ZNF280B: variants seen among roughly 807,000 people sequenced by gnomAD.
ZNF280B encodes the protein suppressor of hairy wing homolog 2.
A neutral mutation model predicts 38.0 loss-of-function variants in ZNF280B; 16 were observed. The observed-to-expected ratio is 0.42, with a 90% CI of 0.28 to 0.64. The LOEUF is 0.64. Ranked by LOEUF, ZNF280B falls within the 30% of genes least tolerant of loss-of-function variation. The probability of loss-of-function intolerance (pLI) is 0.21; values close to 1 mark genes in which losing one functional copy is unlikely to be tolerated. For synonymous variants in ZNF280B, 253 were observed against 230.6 expected (o/e 1.10, Z -0.88); for missense variants, 581 against 639.6 (o/e 0.91, Z 0.99).
intron 2 of ZNF280B, among the ~76,000 whole-genome samples, chr22:22,500,129 G>A (rs117603270): frequency 1.8e-3 from 276 of 152,018 alleles, no homozygotes; most frequent in Non-Finnish European, 3.5e-3. Context: ...CTCATGCACA[G>A]TCACTGGATT....
In ZNF280B at chr22:22,489,445, C is replaced by T. The variant is rs1432686225; in HGVS notation, c.-47G>A. 2 of 1,513,756 alleles carry T rather than the reference C, an allele frequency of 1.3e-6. No homozygotes were observed. Among genetic ancestry groups the T allele is most frequent in the Non-Finnish European group, 1.8e-6 (2 of 1,128,298 alleles). The allele number at this position is 1,513,756 out of a possible 1,614,324, so 93.8% of individuals were successfully genotyped here. On this transcript the variant is annotated 5_prime_UTR_variant, in exon 4 of 4. Coordinates refer to ENST00000626650, the MANE Select transcript of ZNF280B (RefSeq NM_080764.4). ...AATGGTGGGGCCACAAGTCCCAATGCTTCCTTTATATAAACTGCCACCTAA... is the reference window on the plus strand; with the variant it reads ...AATGGTGGGGCCACAAGTCCCAATGTTTCCTTTATATAAACTGCCACCTAA...
At chr22:22,496,817 C>CTTTT in intron 2 of ZNF280B, among the ~76,000 whole-genome samples, 1 of 131,796 alleles carries the variant, frequency 7.6e-6, no homozygotes, top group Non-Finnish European at 1.6e-5. Flanking sequence ...GGGATCTACT[C>CTTTT]TTTTTTTTTT....
intron 2 of ZNF280B, among the ~76,000 whole-genome samples, chr22:22,503,641 C>T (rs1233450995): frequency 2.6e-5 from 4 of 151,892 alleles, no homozygotes; most frequent in African/African-American, 4.8e-5. Flanking sequence ...AACTCTTCTC[C>T]GATACCAAGG....
intron 2 of ZNF280B, among the ~76,000 whole-genome samples, chr22:22,502,733 A>G (rs1408156498): frequency 6.6e-6 from 1 of 151,984 alleles, no homozygotes; most frequent in Non-Finnish European, 1.5e-5. Flanking sequence ...ATTCATACAG[A>G]CAGAAATAAA....
Position 22,484,611 on chromosome 22 carries a change from C to T in ZNF280B, c.*3156G>A, listed in dbSNP as rs1010714908. ...TGTAAACAAAACAAAGTGACATTGC[C>T]TTAAAAATATATAGAGGTATCAATA... is the stretch of plus-strand genomic sequence containing the variant. On this transcript the variant is annotated 3_prime_UTR_variant, in exon 4 of 4. Coordinates refer to ENST00000626650, the MANE Select transcript of ZNF280B (RefSeq NM_080764.4). 4.6e-5 allele frequency: 7 copies of T among 152,202 alleles called. No individual in the cohort carries two copies. Among genetic ancestry groups the T allele is most frequent in the African/African-American group, 1.7e-4 (7 of 41,310 alleles). The allele number at this position is 152,202 out of a possible 1,614,324, so 9.4% of individuals were successfully genotyped here.
At chr22:22,498,589 C>G (rs1185883151) in intron 2 of ZNF280B, among the ~76,000 whole-genome samples, 1 of 151,694 alleles carries the variant, frequency 6.6e-6, no homozygotes, top group Admixed American at 6.6e-5. Context: ...AAAACTTCCC[C>G]AAATAAAAGC....
chr22:22,507,249 A>T (rs1013193314), intron 2 of ZNF280B, among the ~76,000 whole-genome samples: 1 of 152,008 alleles, frequency 6.6e-6, no homozygotes, highest in Admixed American at 6.6e-5. Flanking sequence ...AGCCAGAAAC[A>T]GCCAGCTAAG....
At chr22:22,489,594 CA>C (rs1182180244) in intron 3 of ZNF280B, 128 bp from the exon 4 acceptor site, 1 of 533,728 alleles carries the variant, frequency 1.9e-6, no homozygotes, top group East Asian at 3.0e-5. Context: ...GGATAAATAA[CA>C]GCTTAAAACC....
At chr22:22,499,163 T>C (rs2061764401) in intron 2 of ZNF280B, among the ~76,000 whole-genome samples, 1 of 151,766 alleles carries the variant, frequency 6.6e-6, no homozygotes, top group African/African-American at 2.4e-5. Flanking sequence ...ACAACATATA[T>C]AACGATTACA....
At chr22:22,503,571 A>G (rs1230533956) in intron 2 of ZNF280B, among the ~76,000 whole-genome samples, 1 of 151,982 alleles carries the variant, frequency 6.6e-6, no homozygotes, top group Non-Finnish European at 1.5e-5. Context: ...GTCAATTTAC[A>G]AACTGTAGTG....
intron 2 of ZNF280B, among the ~76,000 whole-genome samples, chr22:22,503,231 T>C (rs1038318574): frequency 6.6e-6 from 1 of 151,942 alleles, no homozygotes; most frequent in African/African-American, 2.4e-5. Context: ...TATGGAAAAG[T>C]AATATAGGGA....
At chr22:22,490,579 T>C (rs905816519) in intron 3 of ZNF280B, among the ~76,000 whole-genome samples, 19 of 151,972 alleles carry the variant, frequency 1.3e-4, no homozygotes, top group African/African-American at 4.6e-4. Context: ...GTGATTCTTG[T>C]GCCTCAGCCT....
chr22:22,489,475 A>C lies in ZNF280B; in HGVS notation c.-68-9T>G. On this transcript the variant is annotated splice_polypyrimidine_tract_variant and intron_variant, in intron 3 of 3. Coordinates refer to ENST00000626650, the MANE Select transcript of ZNF280B (RefSeq NM_080764.4). ...TTTATATAAACTGCCACCTAAGTAC[A>C]AACATACATCAGTAAGTACAGGAAA... The C allele has an allele frequency of 7.8e-7, 1 of 1,280,388 alleles. No homozygotes were observed. Among genetic ancestry groups the C allele is most frequent in the East Asian group, 2.3e-5 (1 of 43,070 alleles). The allele number at this position is 1,280,388 out of a possible 1,614,324, so 79.3% of individuals were successfully genotyped here.
At chr22:22,498,615 T>C (rs931324960) in intron 2 of ZNF280B, among the ~76,000 whole-genome samples, 1 of 151,848 alleles carries the variant, frequency 6.6e-6, no homozygotes, top group African/African-American at 2.4e-5. Flanking sequence ...ATCAGATAGC[T>C]ATGCTAGTAA....
rs775832286 is a variant in ZNF280B at position 22,489,230 on chromosome 22, C to T, written c.169G>A (p.Val57Ile). 5.9e-5 allele frequency: 95 copies of T among 1,613,630 alleles called. No homozygotes were observed. The highest frequency in any genetic ancestry group is 3.5e-4 in the South Asian group (32 of 91,058). ...VGVTSNSKPV[V>I]SNILNRVTPG... ...GTGACTCTGTTCAAAATGTTTGAAA[C>T]GACTGGTTTTGAATTTGAAGTCACC... The change falls in exon 4 of 4, where the codon GTT becomes ATT. Residue 57 changes from valine to isoleucine, a missense_variant. Val to Ile is a conservative substitution (Grantham distance 29). Transcript: ENST00000626650.
intron 3 of ZNF280B, among the ~76,000 whole-genome samples, chr22:22,493,742 CTT>C (rs1461519669): frequency 6.6e-6 from 1 of 151,932 alleles, no homozygotes; most frequent in African/African-American, 2.4e-5. Flanking sequence ...TGTTCTGTCT[CTT>C]TTCTCTGTCC....
Position 22,487,824 on chromosome 22 carries a change from A to C in ZNF280B, c.1575T>G (p.Ser525=). The change falls in exon 4 of 4, where the codon TCT becomes TCG. Residue 525 remains serine (S), a synonymous_variant. Transcript: ENST00000626650. ...ACCTGGGGAGTGATGGTTCAGAGTC[A>C]GATGTGCTCACAGTTATGGATGCTA... ...VDVASITVST[S]DSEPSLPRSK... 6.2e-7 allele frequency: 1 copy of C among 1,612,708 alleles called. No individual in the cohort carries two copies. The highest frequency in any genetic ancestry group is 8.5e-7 in the Non-Finnish European group (1 of 1,179,538).
intron 3 of ZNF280B, among the ~76,000 whole-genome samples, chr22:22,492,844 T>TGC (rs2061623093): frequency 6.7e-6 from 1 of 149,422 alleles, no homozygotes; most frequent in African/African-American, 2.5e-5. Context: ...CAAGACCACG[T>TGC]CACTGCACTC....
chr22:22,489,382 T>C lies in ZNF280B; in HGVS notation c.17A>G (p.Glu6Gly). The C allele has an allele frequency of 6.3e-7, 1 of 1,594,394 alleles. No individual in the cohort carries two copies. Among genetic ancestry groups the C allele is most frequent in the Non-Finnish European group, 8.5e-7 (1 of 1,173,294 alleles). ...CTGTGGTTCAGGCTCTTTCTCTTCC[T>C]CACATGATTGTTCCATTTTCTAATT... MEQSC[E>G]EEKEPEPQKN... The change falls in exon 4 of 4, where the codon GAG becomes GGG. Residue 6 changes from glutamate to glycine, a missense_variant. Coordinates refer to ENST00000626650, the MANE Select transcript of ZNF280B (RefSeq NM_080764.4).
Sources: allele counts gnomAD v4.1 joint callset (sites outside exome capture counted in the v4.1 genomes callset), GRCh38; gene constraint gnomAD v4.1.1; transcripts MANE v1.5; gene names NCBI Gene and HGNC (gene_info 2026-07-23, HGNC 2026-07-21).